The following NRG1 variants were observed in gnomAD, a reference collection of about 807,000 sequenced individuals.
NRG1 encodes the protein pro-neuregulin-1, membrane-bound isoform.
NRG1 carries 18 observed loss-of-function variants against 63.8 expected under a neutral mutation model. The observed-to-expected ratio is 0.28, with a 90% CI of 0.19 to 0.42. The LOEUF (loss-of-function observed/expected upper bound fraction) is 0.42. Ranked by LOEUF, NRG1 falls within the 10% of genes least tolerant of loss-of-function variation. The pLI, the probability that NRG1 is intolerant of heterozygous loss-of-function variation, is 1.00. For synonymous variants in NRG1, 302 were observed against 301.3 expected (o/e 1.00, Z -0.02); for missense variants, 762 against 814.7 (o/e 0.94, Z 0.79).
At chr8:32,412,050 A>G (rs1815039959) in intron 1 of NRG1, among the ~76,000 whole-genome samples, 1 of 152,108 alleles carries the variant, frequency 6.6e-6, no homozygotes, top group Non-Finnish European at 1.5e-5. Context: ...AGATTGAGAA[A>G]AGCAGATTCG....
chr8:32,674,211 C>G (rs1191144764), intron 5 of NRG1, among the ~76,000 whole-genome samples: 2 of 152,074 alleles, frequency 1.3e-5, no homozygotes, highest in Non-Finnish European at 2.9e-5. Context: ...TAAGGGGTTA[C>G]CAGAGCTATC....
At chr8:32,159,857 T>G (rs1042092841) in intron 1 of NRG1, among the ~76,000 whole-genome samples, 1 of 152,196 alleles carries the variant, frequency 6.6e-6, no homozygotes, top group Non-Finnish European at 1.5e-5. Flanking sequence ...AACCGTTTCA[T>G]GATGTGCTGG....
At chr8:31,962,589 T>A (rs192333956) in intron 1 of NRG1, among the ~76,000 whole-genome samples, 1 of 152,286 alleles carries the variant, frequency 6.6e-6, no homozygotes, top group South Asian at 2.1e-4. Flanking sequence ...CTTGGAGTTT[T>A]CTATATTTTC....
intron 1 of NRG1, among the ~76,000 whole-genome samples, chr8:31,949,176 CAT>C (rs1462615879): frequency 3.3e-5 from 5 of 152,314 alleles, no homozygotes; most frequent in Middle Eastern, 6.8e-3. Context: ...GCACTTCACA[CAT>C]GTTATTTAAT....
At chr8:32,718,518 C>T (rs945716404) in intron 5 of NRG1, among the ~76,000 whole-genome samples, 1 of 152,132 alleles carries the variant, frequency 6.6e-6, no homozygotes, top group African/African-American at 2.4e-5. Context: ...TGGCCCTACT[C>T]AAAAGCCTAA....
chr8:31,717,161 C>G (rs1389618069), intron 1 of NRG1, among the ~76,000 whole-genome samples: 1 of 152,080 alleles, frequency 6.6e-6, no homozygotes, highest in Admixed American at 6.5e-5. Flanking sequence ...AATCCTAGCA[C>G]ACTGGGAGGC....
chr8:32,439,772 T>G (rs1819282454), intron 1 of NRG1, among the ~76,000 whole-genome samples: 1 of 8,852 alleles, frequency 1.1e-4, no homozygotes, highest in Admixed American at 1.4e-3. Flanking sequence ...GAATAAGTGA[T>G]TTTTTTTTTT....
rs370790260 is a variant in NRG1, at chr8:32,487,403, T to C, written c.38-108425T>C. On this transcript the variant is annotated intron_variant, in intron 1 of 10. Transcript: ENST00000519301. ...AGAGAGAGAAACTGATCAGAAAAGA[T>C]ACATTTTTGGAGGTTGGTTTTTTTT... 2.6e-5 allele frequency among the ~76,000 whole-genome samples: 4 copies of C among 152,014 alleles called. No homozygotes were observed. The East Asian group carries it at 5.8e-4, about 22-fold the overall frequency.
At chr8:32,141,755 C>G (rs1585611458) in intron 1 of NRG1, among the ~76,000 whole-genome samples, 1 of 151,656 alleles carries the variant, frequency 6.6e-6, no homozygotes. Context: ...ATTCGTTCCA[C>G]AGAGACTTGT....
At chr8:32,273,931 T>C (rs13268389) in intron 1 of NRG1, among the ~76,000 whole-genome samples, 9 of 152,332 alleles carry the variant, frequency 5.9e-5, no homozygotes, top group Middle Eastern at 3.4e-3. Flanking sequence ...ATAGTCATAA[T>C]TGATAGTTTT....
chr8:32,149,769 C>T (rs568241059), intron 1 of NRG1, among the ~76,000 whole-genome samples: 1 of 152,238 alleles, frequency 6.6e-6, no homozygotes, highest in South Asian at 2.1e-4. Context: ...TTTTCTTCAG[C>T]CAGTTGCAAT....
At chr8:32,038,636 A>G (rs563890316) in intron 1 of NRG1, among the ~76,000 whole-genome samples, 7 of 152,220 alleles carry the variant, frequency 4.6e-5, no homozygotes, top group Non-Finnish European at 5.9e-5. Context: ...ATAGTTCTCT[A>G]TTTTTAAAAA....
chr8:32,083,083 A>G (rs1449733498), intron 1 of NRG1, among the ~76,000 whole-genome samples: 2 of 152,186 alleles, frequency 1.3e-5, no homozygotes, highest in East Asian at 3.9e-4. Context: ...CGCAGTCATG[A>G]GTATGCCTCC....
chr8:32,258,137 C>G (rs910427524), intron 1 of NRG1, among the ~76,000 whole-genome samples: 1 of 152,062 alleles, frequency 6.6e-6, no homozygotes, highest in South Asian at 2.1e-4. Context: ...GCCAAATTTT[C>G]ACCTTCATTT....
At chr8:32,703,458 G>T (rs1193932547) in intron 5 of NRG1, among the ~76,000 whole-genome samples, 1 of 141,746 alleles carries the variant, frequency 7.1e-6, no homozygotes, top group East Asian at 2.0e-4. Context: ...TCGCTGTGTC[G>T]CTCAGGCTGG....
intron 1 of NRG1, among the ~76,000 whole-genome samples, chr8:32,374,692 C>G (rs1209521013): frequency 1.3e-5 from 2 of 152,184 alleles, no homozygotes; most frequent in Non-Finnish European, 2.9e-5. Context: ...CCCAATGAGA[C>G]AGTAATCCTA....
intron 1 of NRG1, among the ~76,000 whole-genome samples, chr8:32,456,870 G>A (rs140074237): frequency 1.8e-3 from 275 of 152,252 alleles, no homozygotes; most frequent in Non-Finnish European, 2.1e-3. Flanking sequence ...GTAGACTCAC[G>A]TCTATCATCC....
intron 1 of NRG1, among the ~76,000 whole-genome samples, chr8:32,283,893 T>G (rs1226925153): frequency 6.6e-6 from 1 of 152,164 alleles, no homozygotes; most frequent in East Asian, 1.9e-4. Flanking sequence ...TAGAAAAAAT[T>G]CCATCACAGA....
intron 1 of NRG1, among the ~76,000 whole-genome samples, chr8:31,992,132 C>A (rs1462604475): frequency 6.6e-6 from 1 of 151,346 alleles, no homozygotes; most frequent in Non-Finnish European, 1.5e-5. Context: ...GCCAGGAGTT[C>A]AAGACCAGCC....
Sources: gnomAD v4.1 joint callset for allele counts (sites outside exome capture counted in the v4.1 genomes callset) on GRCh38, gnomAD v4.1.1 for gene constraint, MANE v1.5 for transcripts, NCBI Gene and HGNC (gene_info 2026-07-23, HGNC 2026-07-21) for gene names.